The following SPATA2 variants were observed in gnomAD, a reference collection of about 807,000 sequenced individuals.
SPATA2 encodes the protein spermatogenesis-associated protein 2.
SPATA2 carries 8 observed loss-of-function variants against 35.4 expected under a neutral mutation model. That is an observed-to-expected ratio of 0.23 (90% CI 0.13 to 0.41). SPATA2 has a LOEUF of 0.41. Among genes scored for constraint, SPATA2 ranks in the 10% least tolerant of loss-of-function variants. SPATA2 has a pLI of 1.00. For missense variants in SPATA2, 650 were observed against 698.7 expected (o/e 0.93, Z 0.79); for synonymous variants, 293 against 300.9 (o/e 0.97, Z 0.27).
At chr20:49,908,987 A>C (rs1275273700) in intron 1 of SPATA2, among the ~76,000 whole-genome samples, 3 of 152,122 alleles carry the variant, frequency 2.0e-5, no homozygotes, top group African/African-American at 7.2e-5. Context: ...ATAGTACCAG[A>C]GGCTCCAGAC....
rs1240139605 is a variant in SPATA2 at position 49,908,167 on chromosome 20, G to A, written c.324C>T (p.Phe108=). 1 of 1,607,862 alleles carries A rather than the reference G, an allele frequency of 6.2e-7. No individual in the cohort carries two copies. The highest frequency in any genetic ancestry group is 1.3e-5 in the African/African-American group (1 of 74,762). The stretch of plus-strand genomic sequence containing the variant: ...TCCAGGACCTCACCTTGATGCTTCT[G>A]AATTCCTTCTTCCACGGGTAGAGGA... ...NLFLYPWKKE[F]RSIKTYTGPF... is the part of the protein sequence containing the mutation. Residue 108 remains phenylalanine, a synonymous_variant, in exon 2 of 3, where the codon TTC becomes TTT. Transcript: ENST00000289431.
At chr20:49,914,217 CTTTAG>C (rs1459142134) in intron 1 of SPATA2, among the ~76,000 whole-genome samples, 2 of 152,032 alleles carry the variant, frequency 1.3e-5, no homozygotes, top group African/African-American at 2.4e-5. Context: ...CCAGTGGCTT[CTTTAG>C]TTATTTTTTG....
intron 2 of SPATA2, among the ~76,000 whole-genome samples, chr20:49,907,334 C>G (rs1028992365): frequency 2.0e-5 from 3 of 152,162 alleles, no homozygotes; most frequent in Admixed American, 6.5e-5. Context: ...GCTGGGATTA[C>G]AGGTGTGAGC....
intron 1 of SPATA2, among the ~76,000 whole-genome samples, chr20:49,912,843 A>C (rs1198104437): frequency 2.6e-5 from 4 of 151,694 alleles, no homozygotes; most frequent in African/African-American, 9.7e-5. Flanking sequence ...TCTCAAACCA[A>C]CCTGGGTAGG....
Position 49,905,945 on chromosome 20 carries a change from A to G in SPATA2, c.1237T>C (p.Phe413Leu). ...TCPPASKPSA[F>L]PSKASTHDSL... ...TCATGAGTCGAGGCCTTGCTGGGGA[A>G]GGCGCTGGGCTTGGAAGCTGGAGGA... The change falls in exon 3 of 3, where the codon TTC becomes CTC. Residue 413 changes from phenylalanine to leucine, a missense_variant. Phe to Leu is a conservative substitution (Grantham distance 22). Transcript: ENST00000289431. The G allele has an allele frequency of 6.2e-7, 1 of 1,610,438 alleles. No homozygotes were observed.
Position 49,906,518 on chromosome 20 carries a change from T to G in SPATA2, c.664A>C (p.Thr222Pro). 1 of 1,612,296 alleles carries G rather than the reference T, an allele frequency of 6.2e-7. No individual in the cohort carries two copies. Among genetic ancestry groups the G allele is most frequent in the Non-Finnish European group, 8.5e-7 (1 of 1,179,836 alleles). The stretch of plus-strand genomic sequence containing the variant: ...AGTGCCACTCGTGACATGGAGGCCG[T>G]CAGGTGCTCCCGGCCCTCTGCCCGC... Reference protein sequence around the residue: ...RRRAEGREHLTASMSRVALQK... With the variant: ...RRRAEGREHLPASMSRVALQK... Residue 222 changes from threonine (T) to proline (P), a missense_variant, in exon 3 of 3, where the codon ACG (threonine) becomes CCG (proline). By Grantham distance (38) the Thr-to-Pro change is conservative. Transcript: ENST00000289431. The surrounding 1 kb of genome is among the most constrained non-coding windows in gnomAD (Gnocchi z 8.2).
In SPATA2 at chr20:49,905,601, G is replaced by C. The variant is rs1374224973; in HGVS notation, c.*18C>G. On this transcript the variant is annotated 3_prime_UTR_variant, in exon 3 of 3. Transcript: ENST00000289431. ...GTCGGTTGATGTAGCCCTTGGAGCT[G>C]GAAGGGGCGAGGCCGGTCTATCTGT... The C allele has an allele frequency of 6.2e-7, 1 of 1,611,048 alleles. No individual in the cohort carries two copies. Among genetic ancestry groups the C allele is most frequent in the African/African-American group, 1.3e-5 (1 of 74,852 alleles).
chr20:49,903,893 TACCA>T lies in SPATA2; in HGVS notation c.*1722_*1725del, dbSNP rs2090121359. 1.6e-5 allele frequency: 2 copies of T among 121,452 alleles called. No individual in the cohort carries two copies. The highest frequency in any genetic ancestry group is 3.4e-5 in the Non-Finnish European group (2 of 59,482). The allele number at this position is 121,452 out of a possible 1,614,324, so 7.5% of individuals were successfully genotyped here. ...ACACACTGTACATCTACATGTGATCTACCAGATAGATATATATATATATATATAT... is the reference window on the plus strand; with the variant it reads ...ACACACTGTACATCTACATGTGATCTGATAGATATATATATATATATATAT... On this transcript the variant is annotated 3_prime_UTR_variant, in exon 3 of 3. Coordinates refer to ENST00000289431, the MANE Select transcript of SPATA2 (RefSeq NM_006038.4).
chr20:49,903,953 T>TATATATATATA lies in SPATA2; in HGVS notation c.*1665_*1666insTATATATATAT, dbSNP rs1568904600. The TATATATATATA allele has an allele frequency of 2.1e-5, 2 of 97,144 alleles. No individual in the cohort carries two copies. The highest frequency in any genetic ancestry group is 4.4e-5 in the Non-Finnish European group (2 of 45,698). 6.0% of individuals were successfully genotyped at this position (97,144 alleles called of 1,614,324 possible). A position where few individuals can be genotyped will look rare whatever the true frequency, so the allele number is the denominator to read the frequency against. On this transcript the variant is annotated 3_prime_UTR_variant, in exon 3 of 3. Transcript: ENST00000289431. ...TATATATATATATATATATATATAT[T>TATATATATATA]AAAAAGAGAGCCATAGAAGATTTGG...
At position 49,905,464 on chromosome 20, in the gene SPATA2, A is replaced by C. The variant is rs2090134785; in HGVS notation, c.*155T>G. ...GTTGAGATATCTGAGTCGCTAAGTG[A>C]ACTCCCACGTGGACACAGCCAGCCC... On this transcript the variant is annotated 3_prime_UTR_variant, in exon 3 of 3. Coordinates refer to ENST00000289431, the MANE Select transcript of SPATA2 (RefSeq NM_006038.4). 1.4e-6 allele frequency: 1 copy of C among 730,810 alleles called. No homozygotes were observed. Among genetic ancestry groups the C allele is most frequent in the South Asian group, 1.9e-5 (1 of 51,746 alleles). The allele number at this position is 730,810 out of a possible 1,614,324, so 45.3% of individuals were successfully genotyped here.
intron 1 of SPATA2, among the ~76,000 whole-genome samples, chr20:49,909,439 C>CGTG (rs1440159825): frequency 1.3e-5 from 2 of 151,992 alleles, no homozygotes; most frequent in African/African-American, 4.8e-5. Flanking sequence ...GGCACAGTGG[C>CGTG]TCACACCTGT....
intron 1 of SPATA2, among the ~76,000 whole-genome samples, chr20:49,911,560 G>C (rs1199787088): frequency 2.0e-5 from 3 of 151,930 alleles, no homozygotes; most frequent in Non-Finnish European, 4.4e-5. Flanking sequence ...ACAGCTACTC[G>C]GGAGGCTGAG....
chr20:49,905,663 G>A lies in SPATA2; in HGVS notation c.1519C>T (p.Leu507=). 1 of 1,614,268 alleles carries A rather than the reference G, an allele frequency of 6.2e-7. No individual in the cohort carries two copies. Among genetic ancestry groups the A allele is most frequent in the East Asian group, 2.2e-5 (1 of 44,888 alleles). The change falls in exon 3 of 3, where the codon CTG becomes TTG. Residue 507 remains leucine (L), a synonymous_variant. Transcript: ENST00000289431. ...GAGAGCTGGGTGGACTTGTAGTTCA[G>A]CTGGTTGTTGGGCATGAACTTGTGC... ...ELHKFMPNNQ[L]NYKSTQLSHL... is the part of the protein sequence containing the mutation.
chr20:49,908,721 A>G (rs548359236), intron 1 of SPATA2, 129 bp from the exon 2 acceptor site: 2 of 528,872 alleles, frequency 3.8e-6, no homozygotes, highest in South Asian at 5.6e-5. Context: ...ACTACAGAGC[A>G]TGTACTACAA....
At chr20:49,908,131 A>G in intron 2 of SPATA2, 24 bp downstream of exon 2, 1 of 1,579,718 alleles carries the variant, frequency 6.3e-7, no homozygotes. Flanking sequence ...GAGGGCCTGT[A>G]TGGAGGCTGC....
chr20:49,910,906 T>C (rs1271265272), intron 1 of SPATA2, among the ~76,000 whole-genome samples: 1 of 152,016 alleles, frequency 6.6e-6, no homozygotes, highest in Non-Finnish European at 1.5e-5. Context: ...GGCTGAGGAG[T>C]ACAGGAGGCA....
In SPATA2 at chr20:49,908,371, C is replaced by T. The variant is rs1307207232; in HGVS notation, c.120G>A (p.Glu40=). 1.9e-6 allele frequency: 3 copies of T among 1,614,236 alleles called. No individual in the cohort carries two copies. Among genetic ancestry groups the T allele is most frequent in the Non-Finnish European group, 2.5e-6 (3 of 1,180,034 alleles). ...GGGTTGAGGCTGCCACCCGCAGGCA[C>T]TCATCGCTGCCAGGCCGCTGCCTGC... ...TTSRQRPGSD[E]CLRVAASTLL... The change falls in exon 2 of 3, where the codon GAG becomes GAA. Residue 40 remains glutamate, a synonymous_variant. Transcript: ENST00000289431.
At chr20:49,910,721 T>A (rs1415768295) in intron 1 of SPATA2, among the ~76,000 whole-genome samples, 3 of 152,106 alleles carry the variant, frequency 2.0e-5, no homozygotes, top group African/African-American at 7.2e-5. Flanking sequence ...ATCATCCTCA[T>A]CTCAAAGAGC....
At chr20:49,914,460 T>C (rs2090198282) in intron 1 of SPATA2, among the ~76,000 whole-genome samples, 1 of 151,948 alleles carries the variant, frequency 6.6e-6, no homozygotes, top group African/African-American at 2.4e-5. Flanking sequence ...TCCATCAGCC[T>C]CCAAACAGGA....
Sources: gnomAD v4.1 joint callset for allele counts (sites outside exome capture counted in the v4.1 genomes callset) on GRCh38, gnomAD v4.1.1 for gene constraint, Gnocchi (gnomAD v3.1) non-coding constraint, MANE v1.5 for transcripts, NCBI Gene and HGNC (gene_info 2026-07-23, HGNC 2026-07-21) for gene names.